ITGA1: variants seen among roughly 807,000 people sequenced by gnomAD.
ITGA1 encodes integrin subunit alpha 1.
ITGA1 carries 85 observed loss-of-function variants against 145.9 expected under a neutral mutation model. The observed-to-expected ratio is 0.58, with a 90% CI of 0.49 to 0.70. The LOEUF is 0.70. Ranked by LOEUF, ITGA1 falls within the 30% of genes least tolerant of loss-of-function variation. The pLI is 0.00. For missense variants in ITGA1, 1,351 were observed against 1,418.7 expected (o/e 0.95, Z 0.77); for synonymous variants, 520 against 495.3 (o/e 1.05, Z -0.66).
intron 8 of ITGA1, chr5:52,889,786 TG>T (rs1220013952): frequency 1.3e-5 from 2 of 152,232 alleles, no homozygotes; most frequent in African/African-American, 4.8e-5. Flanking sequence ...TTTTTAATGA[TG>T]CCAGACAAGG....
At chr5:52,924,809 G>A (rs1187869855) in intron 18 of ITGA1, among the ~76,000 whole-genome samples, 1 of 152,154 alleles carries the variant, frequency 6.6e-6, no homozygotes, top group Non-Finnish European at 1.5e-5. Context: ...GTTACATATG[G>A]TGGTGGTGGA....
At chr5:52,834,552 A>AG (rs1457007486) in intron 1 of ITGA1, among the ~76,000 whole-genome samples, 23 of 39,484 alleles carry the variant, frequency 5.8e-4, no homozygotes, top group African/African-American at 1.8e-3. Context: ...AAGAAAGAGA[A>AG]AGAGAGAGAG....
At chr5:52,925,163 T>C (rs1391192258) in intron 18 of ITGA1, 115 bp from the exon 19 acceptor site, 2 of 708,556 alleles carry the variant, frequency 2.8e-6, no homozygotes, top group Admixed American at 4.5e-5. Flanking sequence ...GAAATTCTCC[T>C]TATGAGTTGC....
chr5:52,933,193 T>A (rs2111890538), intron 22 of ITGA1: 1 of 152,164 alleles, frequency 6.6e-6, no homozygotes, highest in East Asian at 1.9e-4. Context: ...CACTCTCTCT[T>A]TACTAAATGG....
chr5:52,895,891 C>T (rs752389909), intron 9 of ITGA1, among the ~76,000 whole-genome samples: 5 of 152,008 alleles, frequency 3.3e-5, no homozygotes, highest in Non-Finnish European at 7.4e-5. Context: ...TTTAAAAAGG[C>T]TTTATTTCTT....
intron 7 of ITGA1, among the ~76,000 whole-genome samples, chr5:52,884,170 G>A (rs930958025): frequency 5.9e-5 from 9 of 152,142 alleles, no homozygotes; most frequent in South Asian, 2.1e-4. Context: ...TCGGCTGGGT[G>A]CAGTGGCTCG....
At position 52,792,655 on chromosome 5, in the gene ITGA1, C is replaced by T. The variant is rs532565986; in HGVS notation, c.61+4241C>T. Among the ~76,000 whole-genome samples, 6 of 152,214 alleles carry T rather than the reference C, an allele frequency of 3.9e-5. 1 individual carries two copies. In the South Asian group the frequency reaches 1.0e-3, roughly 26 times the overall value. On this transcript the variant is annotated intron_variant, in intron 1 of 28. Coordinates refer to ENST00000282588, the MANE Select transcript of ITGA1 (RefSeq NM_181501.2). ...ACTAGATTTAGAACTTGCTGAATTT[C>T]CACATCTTAACATATTTTAGTAGAA...
chr5:52,833,537 A>G (rs60607225), intron 1 of ITGA1, among the ~76,000 whole-genome samples: 1,622 of 152,246 alleles, frequency 0.011, 27 homozygotes, highest in African/African-American at 0.037. Flanking sequence ...TTTCTCTTAA[A>G]TTATTCCATC....
chr5:52,949,803 T>C lies in ITGA1; in HGVS notation c.3495+2342T>C, dbSNP rs989366938. ...CTTTAAAGTTCTGTTGGAAGCTGCC[T>C]GAAGCATGAGTTCAGTTGCAGTAGG... is the stretch of plus-strand genomic sequence containing the variant. On this transcript the variant is annotated intron_variant, in intron 28 of 28. Transcript: ENST00000282588. 2.6e-5 allele frequency among the ~76,000 whole-genome samples: 4 copies of C among 152,196 alleles called. No individual in the cohort carries two copies. In the South Asian group the frequency reaches 8.3e-4, roughly 32 times the overall value.
chr5:52,933,878 TA>T lies in ITGA1; in HGVS notation c.2862-14del. 7.7e-7 allele frequency: 1 copy of T among 1,291,460 alleles called. No homozygotes were observed. Among genetic ancestry groups the T allele is most frequent in the Non-Finnish European group, 1.1e-6 (1 of 944,370 alleles). The allele number at this position is 1,291,460 out of a possible 1,614,324, so 80.0% of individuals were successfully genotyped here. On this transcript the variant is annotated splice_polypyrimidine_tract_variant and intron_variant, in intron 22 of 28. Coordinates refer to ENST00000282588, the MANE Select transcript of ITGA1 (RefSeq NM_181501.2). ...ACTTTGTTATGTTTTATTTTTCTTCTAATTAATTTTTTAAGCTCTGCAAGTG... is the reference window on the plus strand; with the variant it reads ...ACTTTGTTATGTTTTATTTTTCTTCTATTAATTTTTTAAGCTCTGCAAGTG...
intron 6 of ITGA1, among the ~76,000 whole-genome samples, chr5:52,875,440 C>T (rs1441538552): frequency 3.9e-5 from 6 of 152,100 alleles, no homozygotes; most frequent in Admixed American, 1.3e-4. Context: ...ATGCCATAGC[C>T]TGAATCAGCC....
chr5:52,947,155 A>G (rs936889841), intron 27 of ITGA1, among the ~76,000 whole-genome samples, 190 bp from the exon 28 acceptor site: 1 of 152,046 alleles, frequency 6.6e-6, no homozygotes, highest in Admixed American at 6.6e-5. Flanking sequence ...ACCTTTTGGT[A>G]ATAATAAATT....
chr5:52,920,242 T>TC (rs1750710822), intron 16 of ITGA1, 90 bp from the exon 17 acceptor site: 1 of 1,023,534 alleles, frequency 9.8e-7, no homozygotes. Flanking sequence ...GCCAAAGAGA[T>TC]TTTTCTATAA....
intron 1 of ITGA1, among the ~76,000 whole-genome samples, chr5:52,796,530 G>T (rs1355699874): frequency 6.6e-6 from 1 of 151,892 alleles, no homozygotes; most frequent in Admixed American, 6.6e-5. Flanking sequence ...GGAAAAAAAT[G>T]AAAATAAATA....
intron 1 of ITGA1, among the ~76,000 whole-genome samples, chr5:52,836,277 A>G (rs945594589): frequency 4.6e-5 from 7 of 152,334 alleles, no homozygotes; most frequent in South Asian, 4.1e-4. Flanking sequence ...TGAAGAGGCA[A>G]TGGTCCATCC....
chr5:52,869,129 A>G (rs1393935934), intron 6 of ITGA1, among the ~76,000 whole-genome samples: 2 of 152,164 alleles, frequency 1.3e-5, no homozygotes, highest in Non-Finnish European at 2.9e-5. Flanking sequence ...ATAAGCCTGC[A>G]TTATATATAA....
Position 52,801,052 on chromosome 5 carries a change from T to C in ITGA1, c.61+12638T>C, listed in dbSNP as rs764192082. On this transcript the variant is annotated intron_variant, in intron 1 of 28. Coordinates refer to ENST00000282588, the MANE Select transcript of ITGA1 (RefSeq NM_181501.2). ...ATTTGTGAGGGAGCAGTTCTGCGACTACCTGTTTCAACAAGCAGTGAAGAC... is the reference window on the plus strand; with the variant it reads ...ATTTGTGAGGGAGCAGTTCTGCGACCACCTGTTTCAACAAGCAGTGAAGAC... 1.2e-6 allele frequency: 2 copies of C among 1,613,812 alleles called. No homozygotes were observed. Among genetic ancestry groups the C allele is most frequent in the Non-Finnish European group, 1.7e-6 (2 of 1,179,850 alleles).
chr5:52,885,322 T>C (rs1046439425), intron 7 of ITGA1, among the ~76,000 whole-genome samples: 8 of 152,190 alleles, frequency 5.3e-5, no homozygotes, highest in African/African-American at 1.9e-4. Flanking sequence ...CTTCTGATCA[T>C]GGCCTGGTCC....
intron 22 of ITGA1, 110 bp downstream of exon 22, chr5:52,932,246 G>A (rs1750903368): frequency 1.5e-6 from 1 of 652,506 alleles, no homozygotes. Context: ...AACTTGTTAG[G>A]CAAATTCTCT....
Sources: gnomAD v4.1 joint callset for allele counts (sites outside exome capture counted in the v4.1 genomes callset) on GRCh38, gnomAD v4.1.1 for gene constraint, MANE v1.5 for transcripts, NCBI Gene and HGNC (gene_info 2026-07-23, HGNC 2026-07-21) for gene names.